The following ANO3 variants were observed in gnomAD, a reference collection of about 807,000 sequenced individuals.
ANO3 encodes the protein anoctamin-3.
ANO3 carries 99 observed loss-of-function variants against 144.8 expected under a neutral mutation model. The observed-to-expected ratio is 0.68, with a 90% CI of 0.58 to 0.81. The LOEUF is 0.81. ANO3 is among the 30% of genes least tolerant of loss of function. ANO3 has a pLI of 0.00. For missense variants in ANO3, 905 were observed against 1,202.2 expected (o/e 0.75, Z 3.66); for synonymous variants, 414 against 392.6 (o/e 1.05, Z -0.64).
chr11:26,618,520 T>A (rs1852324379), intron 17 of ANO3, among the ~76,000 whole-genome samples: 1 of 152,212 alleles, frequency 6.6e-6, no homozygotes, highest in Non-Finnish European at 1.5e-5. Context: ...ATTGGAAGGA[T>A]CTTTTTAAAT....
At chr11:26,502,826 A>G (rs1861252127) in intron 4 of ANO3, among the ~76,000 whole-genome samples, 1 of 143,768 alleles carries the variant, frequency 7.0e-6, no homozygotes, top group South Asian at 2.3e-4. Context: ...TGCTTGTTAG[A>G]TTGAGAAGAA....
At chr11:26,339,130 C>T (rs528592573) in intron 1 of ANO3, among the ~76,000 whole-genome samples, 2 of 151,994 alleles carry the variant, frequency 1.3e-5, no homozygotes, top group East Asian at 1.9e-4. Flanking sequence ...TTGAACGCAG[C>T]CCTCCCTGAC....
intron 18 of ANO3, among the ~76,000 whole-genome samples, chr11:26,631,984 A>C (rs1311883442): frequency 6.6e-6 from 1 of 152,088 alleles, no homozygotes; most frequent in Admixed American, 6.5e-5. Flanking sequence ...GTTCAAAACC[A>C]GCCTGGCCAA....
chr11:26,482,566 T>G (rs1193657904), intron 4 of ANO3, among the ~76,000 whole-genome samples: 1 of 151,940 alleles, frequency 6.6e-6, no homozygotes, highest in East Asian at 1.9e-4. Context: ...AGAGTTTCAT[T>G]TGTATTTATT....
chr11:26,227,243 T>C (rs1439675122), intron 1 of ANO3, among the ~76,000 whole-genome samples: 5 of 152,296 alleles, frequency 3.3e-5, no homozygotes, highest in Admixed American at 2.0e-4. Flanking sequence ...GTGAATAAAG[T>C]TGTTAAAAAC....
At chr11:26,451,841 AG>A (rs1481234591) in intron 3 of ANO3, among the ~76,000 whole-genome samples, 1 of 152,202 alleles carries the variant, frequency 6.6e-6, no homozygotes, top group African/African-American at 2.4e-5. Flanking sequence ...ACCCCCTAGT[AG>A]GGGCAGACTG....
exon 1 of ANO3, among the ~76,000 whole-genome samples, chr11:26,188,925 A>G (rs1045647564): frequency 1.3e-5 from 2 of 152,164 alleles, no homozygotes; most frequent in African/African-American, 4.8e-5. Context: ...GGCAAAATAT[A>G]TCTTCAAGAA....
chr11:26,442,083 C>G lies in ANO3; in HGVS notation c.212C>G (p.Thr71Ser), dbSNP rs1054906025. The G allele has an allele frequency of 7.4e-6, 12 of 1,613,572 alleles. No individual in the cohort carries two copies. Among genetic ancestry groups the G allele is most frequent in the Non-Finnish European group, 8.5e-6 (10 of 1,179,942 alleles). Residue 71 changes from threonine to serine, a missense_variant, in exon 2 of 27, where the codon ACC (threonine) becomes AGC (serine). By Grantham distance (58) the Thr-to-Ser change is moderately conservative. Transcript: ENST00000256737. ...ESESQAPTSI[T>S]LISTDKAEQV... Reference sequence around the variant, plus strand: ...GAATCTCAGGCTCCCACATCTATAACCTTAATCTCCACTGACAAAGCAGAG... The same window carrying G: ...GAATCTCAGGCTCCCACATCTATAAGCTTAATCTCCACTGACAAAGCAGAG...
At chr11:26,241,189 C>T (rs1852657886) in intron 1 of ANO3, among the ~76,000 whole-genome samples, 1 of 152,170 alleles carries the variant, frequency 6.6e-6, no homozygotes, top group South Asian at 2.1e-4. Flanking sequence ...TTGCCTTCCA[C>T]CGTGATTGTG....
At chr11:26,388,136 A>AT (rs1272228681) in intron 1 of ANO3, among the ~76,000 whole-genome samples, 1 of 150,264 alleles carries the variant, frequency 6.7e-6, no homozygotes, top group Non-Finnish European at 1.5e-5. Flanking sequence ...TATAATTTTT[A>AT]TTTTTTATCA....
chr11:26,300,110 C>A (rs892108164), intron 1 of ANO3, among the ~76,000 whole-genome samples: 2 of 151,994 alleles, frequency 1.3e-5, no homozygotes, highest in Non-Finnish European at 2.9e-5. Context: ...TTGAGGAAGA[C>A]CAGTCTGTAT....
chr11:26,250,598 A>G (rs1169928336), intron 1 of ANO3, among the ~76,000 whole-genome samples: 5 of 152,332 alleles, frequency 3.3e-5, no homozygotes, highest in African/African-American at 1.2e-4. Flanking sequence ...CATCTGAAAG[A>G]TAGGCTTAAG....
intron 1 of ANO3, among the ~76,000 whole-genome samples, chr11:26,291,467 A>C (rs1853954945): frequency 6.6e-6 from 1 of 152,072 alleles, no homozygotes; most frequent in Non-Finnish European, 1.5e-5. Flanking sequence ...TTAGCTAGTT[A>C]TTTTGTTTGT....
At chr11:26,588,981 C>T (rs1851365780) in intron 14 of ANO3, among the ~76,000 whole-genome samples, 1 of 152,034 alleles carries the variant, frequency 6.6e-6, no homozygotes, top group Non-Finnish European at 1.5e-5. Flanking sequence ...CTCTTTTAGT[C>T]GTTTGTACTC....
intron 23 of ANO3, among the ~76,000 whole-genome samples, chr11:26,645,205 G>T (rs966101645): frequency 8.1e-6 from 1 of 122,858 alleles, no homozygotes; most frequent in Non-Finnish European, 1.8e-5. Flanking sequence ...ATATGTTGTT[G>T]ATAAAATTGA....
intron 1 of ANO3, among the ~76,000 whole-genome samples, chr11:26,438,220 A>G (rs1375287346): frequency 6.6e-6 from 1 of 152,210 alleles, no homozygotes; most frequent in Non-Finnish European, 1.5e-5. Context: ...GGAGCTAACC[A>G]ATATGCAAAA....
chr11:26,443,650 T>G, intron 2 of ANO3, 115 bp from the exon 3 acceptor site: 1 of 526,596 alleles, frequency 1.9e-6, no homozygotes, highest in Non-Finnish European at 3.3e-6. Flanking sequence ...TTTAATTCAT[T>G]AAGTTAAGAA....
At chr11:26,316,244 G>A (rs373190793) in intron 1 of ANO3, among the ~76,000 whole-genome samples, 1 of 152,138 alleles carries the variant, frequency 6.6e-6, no homozygotes, top group African/African-American at 2.4e-5. Flanking sequence ...GGGTGTCACC[G>A]CCTTCTGGTC....
At chr11:26,537,902 G>T (rs1849551647) in intron 10 of ANO3, among the ~76,000 whole-genome samples, 1 of 152,170 alleles carries the variant, frequency 6.6e-6, no homozygotes, top group South Asian at 2.1e-4. Context: ...GTTTTAAATA[G>T]AAATGCCTGC....
Sources: gnomAD v4.1 joint callset for allele counts (sites outside exome capture counted in the v4.1 genomes callset) on GRCh38, gnomAD v4.1.1 for gene constraint, MANE v1.5 for transcripts, NCBI Gene and HGNC (gene_info 2026-07-23, HGNC 2026-07-21) for gene names.